Variants in CCDC91 observed in about 807,000 individuals in gnomAD.
The protein encoded by CCDC91 is coiled-coil domain containing 91.
A neutral mutation model predicts 63.2 loss-of-function variants in CCDC91; 48 were observed. The ratio of observed to expected loss-of-function variants is 0.76; its 90% CI spans 0.60 to 0.97. The LOEUF is 0.97. Among genes scored for constraint, CCDC91 ranks in the 50% least tolerant of loss-of-function variants. The pLI, the probability that CCDC91 is intolerant of heterozygous loss-of-function variation, is 0.00. For synonymous variants in CCDC91, 167 were observed against 165.8 expected (o/e 1.01, Z -0.06); for missense variants, 500 against 494.6 (o/e 1.01, Z -0.10).
At chr12:28,302,751 A>G in intron 3 of CCDC91, 2 of 488,242 alleles carry the variant, frequency 4.1e-6, no homozygotes, top group Non-Finnish European at 5.3e-6. Flanking sequence ...AGGTTTATTT[A>G]AGATGATGGG....
intron 1 of CCDC91, among the ~76,000 whole-genome samples, chr12:28,244,494 C>CTTTTTTTTTTTTTTTTTTTT (rs3064681): frequency 2.6e-5 from 1 of 38,426 alleles, no homozygotes; most frequent in African/African-American, 1.2e-4. Flanking sequence ...TAGAAGAAGG[C>CTTTTTTTTTTTTTTTTTTTT]TTTTTTTTTT....
intron 1 of CCDC91, among the ~76,000 whole-genome samples, chr12:28,228,491 C>T (rs1479147180): frequency 2.6e-4 from 39 of 152,152 alleles, no homozygotes; most frequent in Non-Finnish European, 4.4e-5. Context: ...GATTACCTCA[C>T]GAATACAGAA....
At chr12:28,509,003 G>A (rs569367329) in intron 12 of CCDC91, among the ~76,000 whole-genome samples, 6 of 151,850 alleles carry the variant, frequency 4.0e-5, no homozygotes, top group African/African-American at 1.4e-4. Context: ...ATTCTGTTAG[G>A]CCAGTAACTT....
intron 3 of CCDC91, among the ~76,000 whole-genome samples, chr12:28,271,055 C>T (rs879544811): frequency 5.3e-5 from 8 of 152,040 alleles, no homozygotes; most frequent in Middle Eastern, 3.4e-3. Context: ...GCCAGCATAG[C>T]GTGTAATAAA....
Position 28,267,855 on chromosome 12 carries a change from A to T in CCDC91, c.109+8413A>T, listed in dbSNP as rs866941069. On this transcript the variant is annotated intron_variant, in intron 3 of 12. Coordinates refer to ENST00000536442, the MANE Select transcript of CCDC91 (RefSeq NM_018318.5). ...TATAATTATATATAATTATATAGTAATATATAATTATATATAATTATATAT... is the reference window on the plus strand; with the variant it reads ...TATAATTATATATAATTATATAGTATTATATAATTATATATAATTATATAT... Among the ~76,000 whole-genome samples, 137 of 31,136 alleles carry T rather than the reference A, an allele frequency of 4.4e-3. 19 individuals are homozygous for T. The highest frequency in any genetic ancestry group is 0.036 in the Middle Eastern group (2 of 56). The allele number at this position is 31,136 out of a possible 152,430, so 20.4% of individuals were successfully genotyped here.
intron 1 of CCDC91, among the ~76,000 whole-genome samples, chr12:28,197,651 A>G (rs1416248426): frequency 2.0e-5 from 3 of 152,108 alleles, no homozygotes; most frequent in East Asian, 1.9e-4. Flanking sequence ...AGGCTATACT[A>G]TGAGTATTAT....
chr12:28,393,346 G>A (rs1592532946), intron 8 of CCDC91, among the ~76,000 whole-genome samples: 1 of 151,258 alleles, frequency 6.6e-6, no homozygotes, highest in Non-Finnish European at 1.5e-5. Context: ...AGTTGTTTTA[G>A]AGAACTACTT....
chr12:28,547,696 C>T (rs574897882), intron 12 of CCDC91, among the ~76,000 whole-genome samples: 2 of 151,994 alleles, frequency 1.3e-5, no homozygotes, highest in South Asian at 2.1e-4. Context: ...ATAGAATCTC[C>T]GAATATTGGA....
At chr12:28,237,491 A>T (rs563473857) in intron 1 of CCDC91, among the ~76,000 whole-genome samples, 1 of 152,314 alleles carries the variant, frequency 6.6e-6, no homozygotes, top group South Asian at 2.1e-4. Context: ...CATACAGCAG[A>T]GAAGACAGTG....
chr12:28,340,623 T>C (rs1243545912), intron 6 of CCDC91, among the ~76,000 whole-genome samples: 4 of 152,154 alleles, frequency 2.6e-5, no homozygotes, highest in Non-Finnish European at 4.4e-5. Flanking sequence ...GCAGGGTGTG[T>C]AATGGGGGTG....
intron 11 of CCDC91, among the ~76,000 whole-genome samples, chr12:28,460,359 TTC>T (rs1484915229): frequency 6.6e-6 from 1 of 152,124 alleles, no homozygotes; most frequent in African/African-American, 2.4e-5. Context: ...GTGCTGAATT[TTC>T]TGTTACTTGT....
chr12:28,265,835 A>G (rs1433615089), intron 3 of CCDC91, among the ~76,000 whole-genome samples: 1 of 152,108 alleles, frequency 6.6e-6, no homozygotes, highest in African/African-American at 2.4e-5. Flanking sequence ...ATAGTCACAT[A>G]TGTGCATTAT....
chr12:28,536,003 T>C (rs1186469470), intron 12 of CCDC91, among the ~76,000 whole-genome samples: 1 of 148,762 alleles, frequency 6.7e-6, no homozygotes, highest in Non-Finnish European at 1.5e-5. Context: ...CATTCCAGCG[T>C]GGGTGACAGG....
At chr12:28,541,998 A>G (rs768437903) in intron 12 of CCDC91, among the ~76,000 whole-genome samples, 1 of 152,006 alleles carries the variant, frequency 6.6e-6, no homozygotes, top group African/African-American at 2.4e-5. Context: ...TTCTAAATCT[A>G]TGGCTTTTGT....
chr12:28,384,529 C>T (rs935915492), intron 7 of CCDC91, among the ~76,000 whole-genome samples: 1 of 152,028 alleles, frequency 6.6e-6, no homozygotes, highest in Non-Finnish European at 1.5e-5. Context: ...ATTTTAATAG[C>T]ATTTGAGTGT....
intron 12 of CCDC91, among the ~76,000 whole-genome samples, chr12:28,543,759 A>G (rs999916743): frequency 3.9e-5 from 6 of 152,030 alleles, no homozygotes; most frequent in African/African-American, 1.4e-4. Context: ...AGACAAATTT[A>G]TCATGTCTGA....
chr12:28,453,534 G>T (rs1478967010), intron 11 of CCDC91, among the ~76,000 whole-genome samples: 2 of 151,788 alleles, frequency 1.3e-5, no homozygotes, highest in Admixed American at 1.3e-4. Flanking sequence ...ATTTTTAAAA[G>T]ATGTCACTTG....
rs144288269 is a variant in CCDC91 at position 28,309,773 on chromosome 12, C to T, written c.576+2024C>T. Among the ~76,000 whole-genome samples the T allele has an allele frequency of 5.1e-4, 78 of 152,134 alleles. No homozygotes were observed. In the Middle Eastern group the frequency reaches 0.017, roughly 33 times the overall value. On this transcript the variant is annotated intron_variant, in intron 6 of 12. Transcript: ENST00000536442. ...TGAAAATTATACTTTTAACAGCTCT[C>T]GCTGAACTCTAGCTTCCTTCTGATA...
chr12:28,413,643 CT>C (rs1277494647), intron 8 of CCDC91, among the ~76,000 whole-genome samples: 3 of 152,138 alleles, frequency 2.0e-5, no homozygotes, highest in African/African-American at 7.2e-5. Context: ...TAAATTTGTT[CT>C]TCCTCTTTCT....
Sources: allele counts gnomAD v4.1 joint callset (sites outside exome capture counted in the v4.1 genomes callset), GRCh38; gene constraint gnomAD v4.1.1; transcripts MANE v1.5; gene names NCBI Gene and HGNC (gene_info 2026-07-23, HGNC 2026-07-21).